SEMA4D: variants seen among roughly 807,000 people sequenced by gnomAD.
SEMA4D encodes semaphorin-4D.
A neutral mutation model predicts 74.8 loss-of-function variants in SEMA4D; 22 were observed. The ratio of observed to expected loss-of-function variants is 0.29; its 90% CI spans 0.21 to 0.42. The LOEUF (loss-of-function observed/expected upper bound fraction) is 0.42. SEMA4D is among the 10% of genes least tolerant of loss of function. SEMA4D has a pLI of 1.00. For missense variants in SEMA4D, 937 were observed against 1,118.4 expected, an observed-to-expected ratio of 0.84 and a Z score of 2.31; for synonymous variants, 445 against 463.7, an observed-to-expected ratio of 0.96 and a Z score of 0.52.
chr9:89,370,947 TGGTGTGTATCTGGGGTAG>T (rs549221185), intron 16 of SEMA4D, among the ~76,000 whole-genome samples: 30 of 102,614 alleles, frequency 2.9e-4, no homozygotes, highest in Non-Finnish European at 3.8e-4. Flanking sequence ...GTCTGGGGTA[TGGTGTGTATCTGGGGTAG>T]GGTGTGTATC....
Position 89,377,547 on chromosome 9 carries a change from C to T in SEMA4D, c.*1157G>A, listed in dbSNP as rs1835998921. ...ACAGTGGCAGGAACAGCGCCGTATG[C>T]TTGAGGGTGCTGTGGTCACAGCTCG... On this transcript the variant is annotated 3_prime_UTR_variant, in exon 16 of 16. Transcript: ENST00000422704. 1 of 152,390 alleles carries T rather than the reference C, an allele frequency of 6.6e-6. No homozygotes were observed. The allele number at this position is 152,390 out of a possible 1,614,324, so 9.4% of individuals were successfully genotyped here. A position where few individuals can be genotyped will look rare whatever the true frequency, so the allele number is the denominator to read the frequency against.
intron 4 of SEMA4D, among the ~76,000 whole-genome samples, chr9:89,402,387 A>AT (rs1842403171): frequency 1.3e-5 from 2 of 152,196 alleles, no homozygotes; most frequent in Admixed American, 1.3e-4. Context: ...GTTTGAACCA[A>AT]CTAAACAAGC....
intron 4 of SEMA4D, 80 bp downstream of exon 4, chr9:89,402,791 C>T (rs1212894246): frequency 6.7e-6 from 10 of 1,500,544 alleles, no homozygotes; most frequent in Non-Finnish European, 9.1e-6. Flanking sequence ...GTAAGTCAGC[C>T]CCCAGCCCCA....
chr9:89,465,168 G>T (rs981588078), intron 1 of SEMA4D, among the ~76,000 whole-genome samples: 2 of 152,154 alleles, frequency 1.3e-5, no homozygotes, highest in Non-Finnish European at 2.9e-5. Flanking sequence ...TCCGCCCACA[G>T]AATGTTCCTC....
At chr9:89,420,331 C>T (rs1278315596) in intron 2 of SEMA4D, among the ~76,000 whole-genome samples, 1 of 152,226 alleles carries the variant, frequency 6.6e-6, no homozygotes, top group African/African-American at 2.4e-5. Context: ...CTTAAAAATG[C>T]AAACCCACAC....
chr9:89,453,711 G>A (rs556705650), intron 2 of SEMA4D, among the ~76,000 whole-genome samples: 47 of 152,300 alleles, frequency 3.1e-4, no homozygotes, highest in African/African-American at 1.1e-3. Flanking sequence ...ACAGGGCCTG[G>A]CCCACAGTGG....
At chr9:89,365,927 G>C (rs749721270) in intron 16 of SEMA4D, among the ~76,000 whole-genome samples, 2 of 152,136 alleles carry the variant, frequency 1.3e-5, no homozygotes, top group Admixed American at 1.3e-4. Flanking sequence ...ATCTTTGTCC[G>C]GTCTCTTGGT....
intron 2 of SEMA4D, among the ~76,000 whole-genome samples, chr9:89,428,147 G>A (rs1443441084): frequency 2.0e-5 from 3 of 152,106 alleles, no homozygotes; most frequent in African/African-American, 7.2e-5. Flanking sequence ...TCTGACCACC[G>A]CTGACCTGTC....
chr9:89,431,981 A>G (rs187203134), intron 2 of SEMA4D, among the ~76,000 whole-genome samples: 4 of 152,210 alleles, frequency 2.6e-5, no homozygotes, highest in Admixed American at 2.6e-4. Context: ...CTCTGTGTCC[A>G]TACCTCAGTG....
chr9:89,389,069 G>C (rs145325721), intron 9 of SEMA4D, 22 bp from the exon 10 acceptor site: 2 of 1,613,332 alleles, frequency 1.2e-6, no homozygotes, highest in Non-Finnish European at 1.7e-6. Context: ...ACAAGAAGAC[G>C]TGGTGGGCCG....
At chr9:89,422,858 T>TC (rs767439565) in intron 2 of SEMA4D, among the ~76,000 whole-genome samples, 7 of 152,216 alleles carry the variant, frequency 4.6e-5, no homozygotes, top group Non-Finnish European at 1.0e-4. Context: ...CTTGAAAATC[T>TC]CCATTTTGAT....
intron 13 of SEMA4D, chr9:89,385,657 G>A (rs1027547365): frequency 1.3e-6 from 1 of 745,702 alleles, no homozygotes; most frequent in Non-Finnish European, 1.6e-6. Context: ...ACAGGGGAGG[G>A]AAGAGGACAG....
intron 4 of SEMA4D, among the ~76,000 whole-genome samples, chr9:89,399,580 T>A (rs1228550568): frequency 1.3e-5 from 2 of 152,148 alleles, no homozygotes; most frequent in African/African-American, 4.8e-5. Flanking sequence ...AAAAGTTCCA[T>A]CACTCACCAT....
chr9:89,419,613 T>C (rs1846468687), intron 2 of SEMA4D, among the ~76,000 whole-genome samples: 1 of 152,162 alleles, frequency 6.6e-6, no homozygotes, highest in Non-Finnish European at 1.5e-5. Context: ...ATATCACGGA[T>C]TTTAAAACTA....
chr9:89,421,243 G>A (rs1303756263), intron 2 of SEMA4D, among the ~76,000 whole-genome samples: 1 of 152,230 alleles, frequency 6.6e-6, no homozygotes, highest in Non-Finnish European at 1.5e-5. Flanking sequence ...AAGCAGGTAA[G>A]GAAGTTCCGG....
intron 2 of SEMA4D, among the ~76,000 whole-genome samples, chr9:89,438,003 A>AGG (rs1294903674): frequency 6.6e-6 from 1 of 152,190 alleles, no homozygotes; most frequent in Non-Finnish European, 1.5e-5. Context: ...AATAACCTAC[A>AGG]GGGGTAGGGA....
rs556271666 is a variant in SEMA4D at position 89,498,052 on chromosome 9, G to T, written c.-443C>A. 4.7e-5 allele frequency: 7 copies of T among 148,326 alleles called. No homozygotes were observed. The highest frequency in any genetic ancestry group is 1.7e-4 in the African/African-American group (7 of 41,068). 9.2% of individuals were successfully genotyped at this position (148,326 alleles called of 1,614,324 possible). ...GGGGTGGCGGGGAGGCCCGGCGGCGGCAGCGGCGGCTGGGATGCTGCGGCG... is the reference window on the plus strand; with the variant it reads ...GGGGTGGCGGGGAGGCCCGGCGGCGTCAGCGGCGGCTGGGATGCTGCGGCG... On this transcript the variant is annotated 5_prime_UTR_variant, in exon 1 of 16. Coordinates refer to ENST00000422704, the MANE Select transcript of SEMA4D (RefSeq NM_001371194.2).
At chr9:89,384,938 G>A (rs1218735392) in intron 13 of SEMA4D, 2 of 985,346 alleles carry the variant, frequency 2.0e-6, no homozygotes, top group African/African-American at 3.5e-5. Context: ...CAGGCAGGAT[G>A]TATTTCCGCT....
At chr9:89,459,462 A>G (rs990092996) in intron 1 of SEMA4D, among the ~76,000 whole-genome samples, 1 of 152,210 alleles carries the variant, frequency 6.6e-6, no homozygotes, top group Non-Finnish European at 1.5e-5. Flanking sequence ...CAACTGGAGA[A>G]AGTCATTTCA....
Sources: gnomAD v4.1 joint callset for allele counts (sites outside exome capture counted in the v4.1 genomes callset) on GRCh38, gnomAD v4.1.1 for gene constraint, MANE v1.5 for transcripts, NCBI Gene and HGNC (gene_info 2026-07-23, HGNC 2026-07-21) for gene names.